SCAP: variants seen among roughly 807,000 people sequenced by gnomAD.
The protein encoded by SCAP is sterol regulatory element-binding protein cleavage-activating protein.
SCAP carries 65 observed loss-of-function variants against 123.6 expected under a neutral mutation model. The ratio of observed to expected loss-of-function variants is 0.53; its 90% CI spans 0.43 to 0.65. The LOEUF is 0.65. Ranked by LOEUF, SCAP falls within the 30% of genes least tolerant of loss-of-function variation. The probability of loss-of-function intolerance (pLI) is 0.00; values close to 1 mark genes in which losing one functional copy is unlikely to be tolerated. For missense variants in SCAP, 1,398 were observed against 1,712.5 expected, an observed-to-expected ratio of 0.82 and a Z score of 3.24; for synonymous variants, 740 against 726.3, an observed-to-expected ratio of 1.02 and a Z score of -0.30.
chr3:47,435,019 G>A lies in SCAP; in HGVS notation c.241C>T (p.Gln81Ter). 1.2e-6 allele frequency: 2 copies of A among 1,614,128 alleles called. No homozygotes were observed. The highest frequency in any genetic ancestry group is 1.7e-6 in the Non-Finnish European group (2 of 1,179,990). The change falls in exon 3 of 23, where the codon CAG (glutamine) becomes TAG (stop). Residue 81 changes from glutamine (Q) to a stop codon, truncating the protein, a stop_gained. Coordinates refer to ENST00000265565, the MANE Select transcript of SCAP (RefSeq NM_012235.4). LOFTEE classifies it high-confidence loss of function. ...SDRKQGEPTE[Q>*]PEWYVGAPVA... ...TGACGAGTACCCACCCACTCAGGCT[G>A]CTCAGTAGGCTCTCCTTGTTTGCGG...
intron 8 of SCAP, among the ~76,000 whole-genome samples, chr3:47,424,295 C>T (rs985760999): frequency 2.6e-5 from 4 of 152,226 alleles, no homozygotes; most frequent in African/African-American, 9.6e-5. Context: ...CCATCCAGCA[C>T]AGGAGGGCTG....
intron 1 of SCAP, among the ~76,000 whole-genome samples, chr3:47,461,036 G>A (rs1395327711): frequency 2.6e-5 from 4 of 152,006 alleles, no homozygotes; most frequent in East Asian, 1.9e-4. Flanking sequence ...AGACTTCACC[G>A]GCCCCTTCCA....
At position 47,417,177 on chromosome 3, in the gene SCAP, A is replaced by G. The variant is rs1705620599; in HGVS notation, c.3001T>C (p.Cys1001Arg). The change falls in exon 18 of 23, where the codon TGC becomes CGC. Residue 1001 changes from cysteine to arginine, a missense_variant. By Grantham distance (180) the Cys-to-Arg change is radical. Around this residue, in one of 7 missense-constraint regions of SCAP, gnomAD observed 828 missense variants for 882.5 expected, o/e 0.94. Coordinates refer to ENST00000265565, the MANE Select transcript of SCAP (RefSeq NM_012235.4). ...VWDAIEGVLC[C>R]SSEEVSSGIT... ...CCTGAGGAGACCTCCTCGCTGCTGC[A>G]GCACAGCACCCCTTCAATGGCGTCC... 6.2e-7 allele frequency: 1 copy of G among 1,613,074 alleles called. No homozygotes were observed. Among genetic ancestry groups the G allele is most frequent in the Non-Finnish European group, 8.5e-7 (1 of 1,180,006 alleles).
chr3:47,443,233 TACACACACACACACACACACAC>T (rs60723433), intron 1 of SCAP, 142 bp from the exon 2 acceptor site: 8 of 104,816 alleles, frequency 7.6e-5, no homozygotes, highest in Admixed American at 1.5e-4. Flanking sequence ...AATCCCAAAA[TACACACACACACACACACACAC>T]ACACACACAC....
chr3:47,473,080 C>CAAA lies in SCAP; in HGVS notation c.-99+2716_-99+2718dup, dbSNP rs34472664. On this transcript the variant is annotated intron_variant, in intron 1 of 22. Transcript: ENST00000265565. ...GGGCAAGAAGAGCGAAACTCCATCT[C>CAAA]AAAAAAAAAAAAAAAAAAACAGACT... is the stretch of plus-strand genomic sequence containing the variant. Among the ~76,000 whole-genome samples the CAAA allele has an allele frequency of 4.4e-3, 167 of 38,052 alleles. 24 individuals carry two copies. Among genetic ancestry groups the CAAA allele is most frequent in the Admixed American group, 9.1e-3 (20 of 2,186 alleles). The allele number at this position is 38,052 out of a possible 152,430, so 25.0% of individuals were successfully genotyped here. A position where few individuals can be genotyped will look rare whatever the true frequency, so the allele number is the denominator to read the frequency against.
chr3:47,454,058 C>T (rs770554621), intron 1 of SCAP, among the ~76,000 whole-genome samples: 1 of 152,088 alleles, frequency 6.6e-6, no homozygotes, highest in Non-Finnish European at 1.5e-5. Flanking sequence ...AAAATTCAAC[C>T]CTCATCCTTT....
rs564785603 is a variant in SCAP, at chr3:47,471,966, C to T, written c.-99+3833G>A. ...GACCAGCCTAACCAATATGGTGAAA[C>T]CCCATCTCTACTAAAAATACAAAAT... On this transcript the variant is annotated intron_variant, in intron 1 of 22. Coordinates refer to ENST00000265565, the MANE Select transcript of SCAP (RefSeq NM_012235.4). Among the ~76,000 whole-genome samples, 186 of 151,448 alleles carry T rather than the reference C, an allele frequency of 1.2e-3. 1 individual carries two copies. The Middle Eastern group carries it at 0.017, about 14-fold the overall frequency.
In SCAP at chr3:47,442,877, GGC is replaced by G; in HGVS notation, c.115_116del (p.Ala39LeufsTer33). 6.2e-7 allele frequency: 1 copy of G among 1,614,118 alleles called. No individual in the cohort carries two copies. The highest frequency in any genetic ancestry group is 8.5e-7 in the Non-Finnish European group (1 of 1,179,986). ...AAGGCAACCCAAAAACATACCAGCA[GGC>G]TAAGATGCAGAACCCTGTGAAGAGG... ...IILFTGFCIL[A>X]CCYPLLKLPL... On this transcript the variant is annotated frameshift_variant, in exon 2 of 23. Coordinates refer to ENST00000265565, the MANE Select transcript of SCAP (RefSeq NM_012235.4). LOFTEE classifies it high-confidence loss of function.
intron 6 of SCAP, 54 bp from the exon 7 acceptor site, chr3:47,426,223 A>T: frequency 6.4e-7 from 1 of 1,561,164 alleles, no homozygotes; most frequent in Non-Finnish European, 8.7e-7. Context: ...GGTTCTGGGG[A>T]CAAAGACAAT....
At position 47,417,307 on chromosome 3, in the gene SCAP, C is replaced by T. The variant is rs539636426; in HGVS notation, c.2967G>A (p.Leu989=). ...CACCTTTAGCCCCTCTGCCCACCTC[C>T]AGCCGGCCGCTGCTCCGCCCCACCA... ...LIVVGRSSGR[L]EVWDAIEGVL... The change falls in exon 17 of 23, where the codon CTG becomes CTA. Residue 989 remains leucine (L), a synonymous_variant. Coordinates refer to ENST00000265565, the MANE Select transcript of SCAP (RefSeq NM_012235.4). 1.9e-6 allele frequency: 3 copies of T among 1,612,206 alleles called. No homozygotes were observed. Among genetic ancestry groups the T allele is most frequent in the South Asian group, 1.1e-5 (1 of 91,012 alleles).
chr3:47,430,267 C>T (rs1278598503), intron 3 of SCAP, among the ~76,000 whole-genome samples: 1 of 152,166 alleles, frequency 6.6e-6, no homozygotes, highest in African/African-American at 2.4e-5. Flanking sequence ...ACCAAGGTCT[C>T]CTCACTAAAT....
intron 20 of SCAP, 23 bp from the exon 21 acceptor site, chr3:47,414,675 G>A (rs1371825494): frequency 9.9e-6 from 16 of 1,613,038 alleles, no homozygotes; most frequent in Admixed American, 1.7e-5. Flanking sequence ...TGGGCCTCAG[G>A]TTCTGGTCTC....
chr3:47,438,853 G>A (rs1335842232), intron 2 of SCAP, among the ~76,000 whole-genome samples: 3 of 151,898 alleles, frequency 2.0e-5, no homozygotes, highest in African/African-American at 7.3e-5. Flanking sequence ...TGTGGCTACA[G>A]CGTTTGCATA....
intron 1 of SCAP, among the ~76,000 whole-genome samples, chr3:47,443,701 T>C (rs1259998785): frequency 6.6e-6 from 1 of 152,202 alleles, no homozygotes. Flanking sequence ...CCTATAGTTG[T>C]TCCTGGGAGT....
At chr3:47,461,509 G>C (rs981946509) in intron 1 of SCAP, among the ~76,000 whole-genome samples, 8 of 152,130 alleles carry the variant, frequency 5.3e-5, no homozygotes, top group African/African-American at 1.9e-4. Context: ...TAGAGACAAA[G>C]GAACAGAAAG....
chr3:47,434,393 C>T (rs1435512279), intron 3 of SCAP, among the ~76,000 whole-genome samples: 6 of 152,152 alleles, frequency 3.9e-5, no homozygotes, highest in East Asian at 1.9e-4. Context: ...ATAATGAGTG[C>T]GGTGTGATGG....
At chr3:47,434,965 C>A (rs1287985956) in intron 3 of SCAP, 43 bp downstream of exon 3, 1 of 1,613,848 alleles carries the variant, frequency 6.2e-7, no homozygotes, top group Admixed American at 1.7e-5. Context: ...CCAGTCTCCA[C>A]CCAACGCTCT....
chr3:47,418,240 ACTC>A lies in SCAP; in HGVS notation c.2338_2340del (p.Glu780del), dbSNP rs1705722622. The A allele has an allele frequency of 6.4e-6, 10 of 1,565,924 alleles. No individual in the cohort carries two copies. The highest frequency in any genetic ancestry group is 8.7e-6 in the Non-Finnish European group (10 of 1,155,888). ...AGCAGCATGCCGTCGCTGGCCAGGC[ACTC>A]GATGTCCTGCAGAAGCCCGGTGTTG... On this transcript the variant is annotated inframe_deletion, in exon 16 of 23. Transcript: ENST00000265565.
At chr3:47,431,545 C>T (rs1021013336) in intron 3 of SCAP, among the ~76,000 whole-genome samples, 3 of 152,018 alleles carry the variant, frequency 2.0e-5, no homozygotes, top group Non-Finnish European at 4.4e-5. Context: ...CTCAGACTTC[C>T]CTTGCTTTTG....
Sources: gnomAD v4.1 joint callset for allele counts (sites outside exome capture counted in the v4.1 genomes callset) on GRCh38, gnomAD v4.1.1 for gene constraint, gnomAD v4.1.1 regional missense constraint, MANE v1.5 for transcripts, NCBI Gene and HGNC (gene_info 2026-07-23, HGNC 2026-07-21) for gene names.